Variants in LRRTM4 observed in about 807,000 individuals in gnomAD.
The protein encoded by LRRTM4 is leucine-rich repeat transmembrane neuronal protein 4.
In LRRTM4, 25 loss-of-function variants were observed where a neutral mutation model predicts 47.6. The observed-to-expected ratio is 0.53, with a 90% CI of 0.38 to 0.73. The LOEUF is 0.73. Ranked by LOEUF, LRRTM4 falls within the 30% of genes least tolerant of loss-of-function variation. LRRTM4 has a pLI of 0.00. For missense variants in LRRTM4, 638 were observed against 713.4 expected, an observed-to-expected ratio of 0.89 and a Z score of 1.20; for synonymous variants, 311 against 269.5, an observed-to-expected ratio of 1.15 and a Z score of -1.51.
At chr2:77,073,985 T>TC (rs1680249850) in intron 3 of LRRTM4, among the ~76,000 whole-genome samples, 1 of 151,756 alleles carries the variant, frequency 6.6e-6, no homozygotes, top group Admixed American at 6.6e-5. Context: ...TAGTTCTACA[T>TC]GGTTCTTCTT....
At chr2:77,109,573 T>G (rs933335438) in intron 3 of LRRTM4, among the ~76,000 whole-genome samples, 18 of 151,876 alleles carry the variant, frequency 1.2e-4, no homozygotes, top group Admixed American at 1.2e-3. Context: ...AAAAGCAAAA[T>G]AAAATTTTTG....
intron 3 of LRRTM4, among the ~76,000 whole-genome samples, chr2:76,954,406 C>A (rs191278275): frequency 1.6e-4 from 25 of 151,526 alleles, no homozygotes; most frequent in East Asian, 5.9e-4. Context: ...AATACAATGA[C>A]CGAATTGAAA....
intron 3 of LRRTM4, among the ~76,000 whole-genome samples, chr2:76,991,240 A>G (rs1676997709): frequency 6.6e-6 from 1 of 150,940 alleles, no homozygotes. Context: ...GAGGAACTAG[A>G]AAAGCAAGAA....
At chr2:77,050,580 C>T (rs1361898446) in intron 3 of LRRTM4, among the ~76,000 whole-genome samples, 1 of 152,190 alleles carries the variant, frequency 6.6e-6, no homozygotes, top group Admixed American at 6.5e-5. Context: ...CTGTAACAGT[C>T]GGTGCATTCA....
intron 3 of LRRTM4, among the ~76,000 whole-genome samples, chr2:77,150,026 T>G (rs774533627): frequency 2.0e-5 from 3 of 152,166 alleles, no homozygotes; most frequent in Non-Finnish European, 2.9e-5. Context: ...TGTACATGAC[T>G]ACTGTTTCTA....
At chr2:76,896,406 T>C (rs985416199) in intron 3 of LRRTM4, among the ~76,000 whole-genome samples, 1 of 152,132 alleles carries the variant, frequency 6.6e-6, no homozygotes, top group African/African-American at 2.4e-5. Context: ...TATAGACATA[T>C]TTTAATTTCT....
intron 3 of LRRTM4, among the ~76,000 whole-genome samples, chr2:76,852,170 A>G (rs1384025214): frequency 1.3e-5 from 2 of 152,164 alleles, no homozygotes; most frequent in African/African-American, 2.4e-5. Flanking sequence ...ATAAGAAAGG[A>G]GGAGTTGTAT....
intron 3 of LRRTM4, among the ~76,000 whole-genome samples, chr2:77,070,064 T>A (rs1233656139): frequency 6.6e-6 from 1 of 152,048 alleles, no homozygotes; most frequent in African/African-American, 2.4e-5. Context: ...TATATATATA[T>A]AAAATCGGAA....
intron 3 of LRRTM4, among the ~76,000 whole-genome samples, chr2:77,372,592 A>T (rs180890447): frequency 2.2e-4 from 33 of 151,836 alleles, no homozygotes; most frequent in Non-Finnish European, 4.0e-4. Flanking sequence ...CTGGTAAAAA[A>T]TTTTCCACTT....
At chr2:77,238,957 T>C (rs912611302) in intron 3 of LRRTM4, among the ~76,000 whole-genome samples, 1 of 151,918 alleles carries the variant, frequency 6.6e-6, no homozygotes, top group Admixed American at 6.6e-5. Context: ...TAAAGGACAT[T>C]CTTAATGTAC....
chr2:77,291,559 T>A (rs1676822554), intron 3 of LRRTM4, among the ~76,000 whole-genome samples: 1 of 152,024 alleles, frequency 6.6e-6, no homozygotes, highest in Admixed American at 6.6e-5. Flanking sequence ...ATAACAGCAT[T>A]CACATACAAA....
intron 3 of LRRTM4, among the ~76,000 whole-genome samples, chr2:77,071,149 T>C (rs1223018291): frequency 6.6e-6 from 1 of 152,076 alleles, no homozygotes; most frequent in Non-Finnish European, 1.5e-5. Context: ...ACACCTTCAA[T>C]GCCAAAAACA....
At chr2:77,280,244 G>A (rs1031695061) in intron 3 of LRRTM4, among the ~76,000 whole-genome samples, 3 of 151,904 alleles carry the variant, frequency 2.0e-5, no homozygotes, top group Admixed American at 6.6e-5. Flanking sequence ...TCTAGAAGCC[G>A]GAAAAGGAAA....
At chr2:77,297,685 G>A (rs1216670931) in intron 3 of LRRTM4, among the ~76,000 whole-genome samples, 2 of 152,112 alleles carry the variant, frequency 1.3e-5, no homozygotes, top group Non-Finnish European at 2.9e-5. Context: ...CTGTCCCTAT[G>A]GCAGTAATAT....
intron 3 of LRRTM4, among the ~76,000 whole-genome samples, chr2:77,324,276 C>A (rs1670673525): frequency 6.6e-6 from 1 of 152,124 alleles, no homozygotes; most frequent in African/African-American, 2.4e-5. Flanking sequence ...GAGTAGCAAA[C>A]ATAAAGCAGA....
chr2:77,327,093 T>G (rs994695756), intron 3 of LRRTM4, among the ~76,000 whole-genome samples: 2 of 152,130 alleles, frequency 1.3e-5, no homozygotes, highest in Non-Finnish European at 2.9e-5. Flanking sequence ...GGGAAAAAGA[T>G]TTTCCTCCTG....
chr2:76,881,903 T>G (rs1672941598), intron 3 of LRRTM4, among the ~76,000 whole-genome samples: 1 of 152,224 alleles, frequency 6.6e-6, no homozygotes, highest in African/African-American at 2.4e-5. Flanking sequence ...TTTTACCAAC[T>G]GTATTTTTGT....
At chr2:76,865,716 T>A (rs1433625230) in intron 3 of LRRTM4, among the ~76,000 whole-genome samples, 1 of 152,148 alleles carries the variant, frequency 6.6e-6, no homozygotes. Flanking sequence ...GAGAGAAGTA[T>A]ACTTACTCAT....
intron 3 of LRRTM4, among the ~76,000 whole-genome samples, chr2:77,381,279 G>A (rs966206337): frequency 1.3e-5 from 2 of 152,016 alleles, no homozygotes. Flanking sequence ...GATTACAGAA[G>A]TCAATGGGCT....
Sources: gnomAD v4.1 joint callset for allele counts (sites outside exome capture counted in the v4.1 genomes callset) on GRCh38, gnomAD v4.1.1 for gene constraint, MANE v1.5 for transcripts, NCBI Gene and HGNC (gene_info 2026-07-23, HGNC 2026-07-21) for gene names.